PAK2: variants seen among roughly 807,000 people sequenced by gnomAD.
The protein encoded by PAK2 is serine/threonine-protein kinase PAK 2.
PAK2 carries 21 observed loss-of-function variants against 65.9 expected under a neutral mutation model. The ratio of observed to expected loss-of-function variants is 0.32; its 90% CI spans 0.23 to 0.46. PAK2 has a LOEUF of 0.46. PAK2 is among the 20% of genes least tolerant of loss of function. The pLI, the probability that PAK2 is intolerant of heterozygous loss-of-function variation, is 1.00. For missense variants in PAK2, 324 were observed against 642.6 expected (o/e 0.50, Z 5.36); for synonymous variants, 204 against 219.7 (o/e 0.93, Z 0.63).
chr3:196,815,511 G>A (rs1279360406), intron 11 of PAK2, among the ~76,000 whole-genome samples: 1 of 151,414 alleles, frequency 6.6e-6, no homozygotes, highest in African/African-American at 2.4e-5. Context: ...AAAAGAGGCT[G>A]GGTACAGTGT....
intron 1 of PAK2, among the ~76,000 whole-genome samples, chr3:196,759,506 T>TTG (rs1560092824): frequency 7.7e-5 from 2 of 26,094 alleles, no homozygotes; most frequent in African/African-American, 3.3e-4. Context: ...TTGTTTTTTT[T>TTG]TTTTTTTTTT....
chr3:196,811,720 G>A (rs906124192), intron 8 of PAK2, among the ~76,000 whole-genome samples: 6 of 152,034 alleles, frequency 3.9e-5, no homozygotes, highest in Non-Finnish European at 8.8e-5. Flanking sequence ...TATGTGAAAT[G>A]AAACTATATG....
chr3:196,782,093 G>A (rs780256308), intron 1 of PAK2, among the ~76,000 whole-genome samples: 20 of 152,176 alleles, frequency 1.3e-4, no homozygotes, highest in African/African-American at 4.3e-4. Context: ...GTGACAGAGC[G>A]AGACTCCATC....
chr3:196,778,593 C>T (rs1426756140), intron 1 of PAK2, among the ~76,000 whole-genome samples: 2 of 152,156 alleles, frequency 1.3e-5, no homozygotes, highest in Non-Finnish European at 2.9e-5. Flanking sequence ...AACCGTGATA[C>T]GTATGTCAAA....
chr3:196,805,381 G>C lies in PAK2; in HGVS notation c.466G>C (p.Ala156Pro). ...EKDGFPSGTP[A>P]LNAKGTEAPA... Reference sequence around the variant, plus strand: ...AGATGGCTTTCCTTCTGGAACACCAGCAGTAAGTTAATTATATTATTTCTT... The same window carrying C: ...AGATGGCTTTCCTTCTGGAACACCACCAGTAAGTTAATTATATTATTTCTT... Residue 156 changes from alanine (A) to proline (P), a missense_variant and splice_region_variant, in exon 5 of 15, where the codon GCA becomes CCA. Coordinates refer to ENST00000327134, the MANE Select transcript of PAK2 (RefSeq NM_002577.4). 7.2e-7 allele frequency: 1 copy of C among 1,387,332 alleles called. No homozygotes were observed. The allele number at this position is 1,387,332 out of a possible 1,614,324, so 85.9% of individuals were successfully genotyped here. A position where few individuals can be genotyped will look rare whatever the true frequency, so the allele number is the denominator to read the frequency against.
chr3:196,772,258 G>T (rs1375779572), intron 1 of PAK2, among the ~76,000 whole-genome samples: 1 of 152,102 alleles, frequency 6.6e-6, no homozygotes, highest in African/African-American at 2.4e-5. Context: ...TCAACATTAG[G>T]CAGACTGGGT....
chr3:196,803,416 T>G (rs1381065518), intron 4 of PAK2, among the ~76,000 whole-genome samples: 3 of 152,158 alleles, frequency 2.0e-5, no homozygotes, highest in Non-Finnish European at 4.4e-5. Context: ...GTTTATTTGG[T>G]TTTTTCTCCT....
At chr3:196,818,959 A>G (rs1345252686) in intron 12 of PAK2, among the ~76,000 whole-genome samples, 1 of 152,146 alleles carries the variant, frequency 6.6e-6, no homozygotes, top group African/African-American at 2.4e-5. Context: ...CATTTTAGCT[A>G]TAAATATTGT....
At chr3:196,782,600 A>G in intron 1 of PAK2, 26 bp from the exon 2 acceptor site, 2 of 1,136,750 alleles carry the variant, frequency 1.8e-6, no homozygotes, top group Non-Finnish European at 2.5e-6. Flanking sequence ...TTACTTTGTT[A>G]CTAATTGTAT....
At position 196,751,674 on chromosome 3, in the gene PAK2, C is replaced by CATATATATATATATATATATACATAT. The variant is rs149522539; in HGVS notation, c.-22+11538_-22+11539insCATATATATATATATATATATATATA. Among the ~76,000 whole-genome samples, 2 of 71,818 alleles carry CATATATATATATATATATATACATAT rather than the reference C, an allele frequency of 2.8e-5. 1 individual carries two copies. Among genetic ancestry groups the CATATATATATATATATATATACATAT allele is most frequent in the African/African-American group, 1.5e-4 (2 of 13,270 alleles). The allele number at this position is 71,818 out of a possible 152,430, so 47.1% of individuals were successfully genotyped here. A position where few individuals can be genotyped will look rare whatever the true frequency, so the allele number is the denominator to read the frequency against. On this transcript the variant is annotated intron_variant, in intron 1 of 14. Coordinates refer to ENST00000327134, the MANE Select transcript of PAK2 (RefSeq NM_002577.4). ...AAAAACACACAAATTTATTTATATA[C>CATATATATATATATATATATACATAT]ATATATATATATATATATATAATTC...
intron 1 of PAK2, among the ~76,000 whole-genome samples, chr3:196,742,413 AAG>A (rs1056196707): frequency 1.3e-5 from 2 of 152,032 alleles, no homozygotes; most frequent in African/African-American, 4.8e-5. Flanking sequence ...TATACTTTTT[AAG>A]AGAGACTAGA....
intron 1 of PAK2, among the ~76,000 whole-genome samples, chr3:196,741,650 C>T (rs1350347469): frequency 1.3e-5 from 2 of 152,104 alleles, no homozygotes; most frequent in Non-Finnish European, 1.5e-5. Context: ...ACTAAGTAGC[C>T]CATTGTTACC....
At chr3:196,801,612 G>A (rs1452984884) in intron 2 of PAK2, among the ~76,000 whole-genome samples, 1 of 151,984 alleles carries the variant, frequency 6.6e-6, no homozygotes, top group Non-Finnish European at 1.5e-5. Context: ...GGAGGCCAAG[G>A]CAGGTGGATC....
intron 1 of PAK2, among the ~76,000 whole-genome samples, chr3:196,763,042 C>T (rs1354795052): frequency 6.6e-6 from 1 of 152,172 alleles, no homozygotes; most frequent in Non-Finnish European, 1.5e-5. Flanking sequence ...GAAGCAGCTA[C>T]TTCCCCTAGG....
chr3:196,762,038 A>G (rs1577703749), intron 1 of PAK2, among the ~76,000 whole-genome samples: 6 of 112,010 alleles, frequency 5.4e-5, no homozygotes, highest in South Asian at 3.5e-4. Context: ...CCGGGCAGAG[A>G]CGCTCCTCAC....
At chr3:196,776,346 G>T (rs932748717) in intron 1 of PAK2, among the ~76,000 whole-genome samples, 4 of 152,214 alleles carry the variant, frequency 2.6e-5, no homozygotes, top group African/African-American at 9.7e-5. Context: ...GCGTACCAAA[G>T]TATGAACCGT....
intron 11 of PAK2, 130 bp downstream of exon 11, chr3:196,814,698 A>C: frequency 1.6e-6 from 1 of 626,610 alleles, no homozygotes; most frequent in Non-Finnish European, 2.8e-6. Context: ...TCTGCAAATT[A>C]CTCCATCTCC....
At chr3:196,825,429 G>A (rs1711820868) in intron 13 of PAK2, among the ~76,000 whole-genome samples, 1 of 151,856 alleles carries the variant, frequency 6.6e-6, no homozygotes, top group South Asian at 2.1e-4. Flanking sequence ...AGATCACAAA[G>A]TTGGGAGTTT....
At position 196,818,077 on chromosome 3, in the gene PAK2, T is replaced by C. The variant is rs56172538; in HGVS notation, c.1074T>C (p.Phe358=). The C allele has an allele frequency of 0.05, 74,676 of 1,486,600 alleles. 3,812 individuals carry two copies. Among genetic ancestry groups the C allele is most frequent in the African/African-American group, 0.26 (18,460 of 71,536 alleles). The allele number at this position is 1,486,600 out of a possible 1,614,324, so 92.1% of individuals were successfully genotyped here. The change falls in exon 12 of 15, where the codon TTT becomes TTC. Residue 358 remains phenylalanine, a synonymous_variant. Coordinates refer to ENST00000327134, the MANE Select transcript of PAK2 (RefSeq NM_002577.4). ...TTCAGTGTTTACAGGCATTGGAGTT[T>C]TTACATGCTAATCAAGTGATCCACA... ...VCRECLQALE[F]LHANQVIHRD...
Sources: allele counts gnomAD v4.1 joint callset (sites outside exome capture counted in the v4.1 genomes callset), GRCh38; gene constraint gnomAD v4.1.1; transcripts MANE v1.5; gene names NCBI Gene and HGNC (gene_info 2026-07-23, HGNC 2026-07-21).